The following CDC42EP3 variants were observed in gnomAD, a reference collection of about 807,000 sequenced individuals.
CDC42EP3 encodes the protein CDC42 effector protein 3.
CDC42EP3 carries 4 observed loss-of-function variants against 15.5 expected under a neutral mutation model. That is an observed-to-expected ratio of 0.26 (90% CI 0.13 to 0.59). The LOEUF (loss-of-function observed/expected upper bound fraction) is 0.59, where lower values mean the gene tolerates loss of function less well. CDC42EP3 is among the 20% of genes least tolerant of loss of function. The pLI is 0.89. For missense variants in CDC42EP3, 309 were observed against 311.2 expected, an observed-to-expected ratio of 0.99 and a Z score of 0.05; for synonymous variants, 145 against 130.3, an observed-to-expected ratio of 1.11 and a Z score of -0.77.
At chr2:37,672,079 G>A (rs1326708719), upstream of CDC42EP3, 2 of 152,264 alleles carry the variant, frequency 1.3e-5, no homozygotes, top group South Asian at 2.1e-4. Context: ...ATCCCAACAG[G>A]CCGACCTAGC....
At position 37,645,960 on chromosome 2, in the gene CDC42EP3, G is replaced by C. The variant is rs200546253; in HGVS notation, c.628C>G (p.Pro210Ala). ...GTCTTTCCCTTGATGAGCTCGCATG[G>C]GGTGGGATGGTCAAACATGTCCTCG... ...PAEDMFDHPTPCELIKGKTKS... is the reference protein window; with the variant it reads ...PAEDMFDHPTACELIKGKTKS... The change falls in exon 2 of 2, where the codon CCA becomes GCA. Residue 210 changes from proline (P) to alanine (A), a missense_variant. Transcript: ENST00000295324. The C allele has an allele frequency of 6.2e-7, 1 of 1,614,092 alleles. No homozygotes were observed. Among genetic ancestry groups the C allele is most frequent in the East Asian group, 2.2e-5 (1 of 44,870 alleles).
intron 1 of CDC42EP3, 30 bp downstream of exon 1, chr2:37,671,396 A>G: frequency 6.6e-6 from 1 of 152,258 alleles, no homozygotes; most frequent in Admixed American, 6.5e-5. Flanking sequence ...ACAGGTAGAG[A>G]GGAAGGAGCC....
chr2:37,672,780 C>T (rs1345680868), upstream of CDC42EP3, among the ~76,000 whole-genome samples: 3 of 152,144 alleles, frequency 2.0e-5, no homozygotes, highest in African/African-American at 7.2e-5. Context: ...CCCTGAGACT[C>T]TCGGGTTGGA....
chr2:37,669,134 A>T (rs1320174296), intron 1 of CDC42EP3, among the ~76,000 whole-genome samples: 5 of 151,910 alleles, frequency 3.3e-5, no homozygotes, highest in Non-Finnish European at 5.9e-5. Flanking sequence ...CGATCAGAGC[A>T]GTCTTCTTGG....
intron 1 of CDC42EP3, among the ~76,000 whole-genome samples, chr2:37,663,460 G>A (rs1470207839): frequency 6.6e-6 from 1 of 152,212 alleles, no homozygotes; most frequent in African/African-American, 2.4e-5. Context: ...TGCTCTAAGT[G>A]GACACATGGG....
intron 1 of CDC42EP3, among the ~76,000 whole-genome samples, chr2:37,649,280 A>G (rs1449133990): frequency 1.3e-5 from 2 of 151,544 alleles, no homozygotes; most frequent in African/African-American, 4.9e-5. Flanking sequence ...ATGGGACCTC[A>G]TCTCTACAAA....
chr2:37,663,229 A>G (rs1666134475), intron 1 of CDC42EP3, among the ~76,000 whole-genome samples: 1 of 152,234 alleles, frequency 6.6e-6, no homozygotes, highest in Admixed American at 6.5e-5. Flanking sequence ...GTGCCTCCCC[A>G]GCCCCTGGCT....
chr2:37,657,797 G>A (rs72881306), intron 1 of CDC42EP3, among the ~76,000 whole-genome samples: 3,627 of 152,194 alleles, frequency 0.024, 108 homozygotes, highest in African/African-American at 0.068. Context: ...GTGGGTTTTC[G>A]TGACTGGGGG....
intron 1 of CDC42EP3, among the ~76,000 whole-genome samples, chr2:37,663,286 G>A (rs1433260471): frequency 2.0e-5 from 3 of 152,254 alleles, no homozygotes; most frequent in African/African-American, 7.2e-5. Context: ...GGCCTACTAA[G>A]TGCCAGGCAC....
chr2:37,664,035 G>A (rs1666172798), intron 1 of CDC42EP3, among the ~76,000 whole-genome samples: 1 of 152,164 alleles, frequency 6.6e-6, no homozygotes, highest in Non-Finnish European at 1.5e-5. Context: ...TTAGCCGGTC[G>A]TTGTGGAGGG....
intron 1 of CDC42EP3, among the ~76,000 whole-genome samples, chr2:37,652,704 A>G (rs1461386386): frequency 6.6e-6 from 1 of 151,992 alleles, no homozygotes; most frequent in Non-Finnish European, 1.5e-5. Context: ...AGCTGAGACT[A>G]CAGGTGCACA....
In CDC42EP3 at chr2:37,646,401, A is replaced by G; in HGVS notation, c.187T>C (p.Tyr63His). 6.2e-7 allele frequency: 1 copy of G among 1,614,080 alleles called. No homozygotes were observed. The highest frequency in any genetic ancestry group is 8.5e-7 in the Non-Finnish European group (1 of 1,179,990). The change falls in exon 2 of 2, where the codon TAC becomes CAC. Residue 63 changes from tyrosine to histidine, a missense_variant. By Grantham distance (83) the Tyr-to-His change is moderately conservative. Transcript: ENST00000295324. ...FGDISFLQGN[Y>H]ELLPGNQEKA... ...TCCTGGTTTCCAGGTAAAAGCTCGT[A>G]GTTCCCTTGAAGAAAGGAAATATCT...
chr2:37,672,862 A>G (rs939576866), upstream of CDC42EP3, among the ~76,000 whole-genome samples: 10 of 152,220 alleles, frequency 6.6e-5, no homozygotes, highest in African/African-American at 2.2e-4. Flanking sequence ...GCTTCAGGTC[A>G]TCACCGCGGT....
At chr2:37,651,821 T>C (rs1665690183) in intron 1 of CDC42EP3, among the ~76,000 whole-genome samples, 1 of 152,130 alleles carries the variant, frequency 6.6e-6, no homozygotes. Context: ...CAGATAACCT[T>C]TGATGATGGA....
At chr2:37,649,654 G>A (rs1181088929) in intron 1 of CDC42EP3, among the ~76,000 whole-genome samples, 1 of 151,868 alleles carries the variant, frequency 6.6e-6, no homozygotes, top group Non-Finnish European at 1.5e-5. Flanking sequence ...GGCTGGTGGG[G>A]GCTGGGCACC....
chr2:37,645,933 T>C lies in CDC42EP3; in HGVS notation c.655A>G (p.Lys219Glu), dbSNP rs748154572. ...AGGTCAGAGAGGGACTCCTCTGACT[T>C]AGTCTTTCCCTTGATGAGCTCGCAT... is the stretch of plus-strand genomic sequence containing the variant. Reference protein sequence around the residue: ...TPCELIKGKTKSEESLSDLTG... With the variant: ...TPCELIKGKTESEESLSDLTG... Residue 219 changes from lysine to glutamate, a missense_variant, in exon 2 of 2, where the codon AAG becomes GAG. Transcript: ENST00000295324. 47 of 1,613,896 alleles carry C rather than the reference T, an allele frequency of 2.9e-5. No homozygotes were observed. The South Asian group carries it at 4.7e-4, about 16-fold the overall frequency.
chr2:37,653,647 G>A (rs868666456), intron 1 of CDC42EP3, among the ~76,000 whole-genome samples: 1 of 151,882 alleles, frequency 6.6e-6, no homozygotes, highest in East Asian at 1.9e-4. Context: ...GCAACTTACA[G>A]GACTCTGAAA....
rs147286437 is a variant in CDC42EP3, at chr2:37,646,152, C to T, written c.436G>A (p.Glu146Lys). The T allele has an allele frequency of 3.7e-5, 59 of 1,614,036 alleles. No homozygotes were observed. The highest frequency in any genetic ancestry group is 6.7e-5 in the Admixed American group (4 of 60,006). The stretch of plus-strand genomic sequence containing the variant: ...TGAGCTTTTTCCTCCATGACGGGCT[C>T]GCAGCTAAGCCTGGGCAGCTTTGCT... ...GPAKLPRLSCEPVMEEKAQEK... is the reference protein window; with the variant it reads ...GPAKLPRLSCKPVMEEKAQEK... Residue 146 changes from glutamate to lysine, a missense_variant, in exon 2 of 2, where the codon GAG becomes AAG. By Grantham distance (56) the Glu-to-Lys change is moderately conservative. Coordinates refer to ENST00000295324, the MANE Select transcript of CDC42EP3 (RefSeq NM_006449.5).
intron 1 of CDC42EP3, among the ~76,000 whole-genome samples, chr2:37,658,928 C>T (rs1665966686): frequency 6.6e-6 from 1 of 152,238 alleles, no homozygotes; most frequent in Non-Finnish European, 1.5e-5. Flanking sequence ...TGCTTTAAAA[C>T]CTTTCAAGGG....
Sources: gnomAD v4.1 joint callset for allele counts (sites outside exome capture counted in the v4.1 genomes callset) on GRCh38, gnomAD v4.1.1 for gene constraint, MANE v1.5 for transcripts, NCBI Gene and HGNC (gene_info 2026-07-23, HGNC 2026-07-21) for gene names.